The following ULK4 variants were observed in gnomAD, a reference collection of about 807,000 sequenced individuals.
ULK4 encodes unc-51 like kinase 4.
In ULK4, 133 loss-of-function variants were observed where a neutral mutation model predicts 160.6. The observed-to-expected ratio is 0.83, with a 90% confidence interval of 0.72 to 0.96. The LOEUF (loss-of-function observed/expected upper bound fraction) is 0.96, where lower values mean the gene tolerates loss of function less well. Ranked by LOEUF, ULK4 falls within the 40% of genes least tolerant of loss-of-function variation. The pLI is 0.00. For missense variants in ULK4, 1,580 were observed against 1,499.5 expected (o/e 1.05, Z -0.89); for synonymous variants, 534 against 539.8 (o/e 0.99, Z 0.15).
intron 34 of ULK4, among the ~76,000 whole-genome samples, chr3:41,409,589 AAAG>A (rs958390484): frequency 6.6e-6 from 1 of 152,226 alleles, no homozygotes; most frequent in African/African-American, 2.4e-5. Flanking sequence ...ATATTTCTCC[AAAG>A]AAGGTATGAA....
At chr3:41,295,163 T>G (rs764975343) in intron 35 of ULK4, among the ~76,000 whole-genome samples, 4 of 152,220 alleles carry the variant, frequency 2.6e-5, no homozygotes, top group Non-Finnish European at 5.9e-5. Context: ...AGTCAACTGA[T>G]CTTTGATGAA....
intron 35 of ULK4, among the ~76,000 whole-genome samples, chr3:41,305,214 G>A (rs2079882495): frequency 1.3e-5 from 2 of 150,696 alleles, no homozygotes; most frequent in Non-Finnish European, 3.0e-5. Context: ...CTCTCCCCAC[G>A]GTCTCCCTCT....
intron 35 of ULK4, among the ~76,000 whole-genome samples, chr3:41,336,692 C>T (rs1427557359): frequency 1.3e-5 from 2 of 152,314 alleles, no homozygotes; most frequent in Middle Eastern, 3.4e-3. Context: ...CACTAACTCT[C>T]TTGGATAGGT....
At chr3:41,279,264 A>AAAC (rs1559501564) in intron 35 of ULK4, among the ~76,000 whole-genome samples, 40 of 144,082 alleles carry the variant, frequency 2.8e-4, no homozygotes, top group African/African-American at 9.2e-4. Flanking sequence ...GTAAAAAAAA[A>AAAC]AAAAAAAAAA....
At chr3:41,934,195 C>T (rs2148824421) in intron 4 of ULK4, among the ~76,000 whole-genome samples, 2 of 152,154 alleles carry the variant, frequency 1.3e-5, no homozygotes, top group Admixed American at 1.3e-4. Flanking sequence ...GAAATACAGC[C>T]ACATCCAGGT....
intron 2 of ULK4, among the ~76,000 whole-genome samples, chr3:41,952,180 A>G (rs1012809534): frequency 2.0e-5 from 3 of 152,228 alleles, no homozygotes; most frequent in Admixed American, 2.0e-4. Context: ...AAAGACACAG[A>G]TAACAAAAAA....
At chr3:41,261,734 T>C (rs750972388) in intron 35 of ULK4, among the ~76,000 whole-genome samples, 4 of 152,188 alleles carry the variant, frequency 2.6e-5, no homozygotes, top group Non-Finnish European at 4.4e-5. Context: ...GAAATGGAAG[T>C]TGTTGCTCTT....
intron 30 of ULK4, among the ~76,000 whole-genome samples, chr3:41,645,710 G>A (rs1451533614): frequency 6.6e-6 from 1 of 152,080 alleles, no homozygotes; most frequent in Non-Finnish European, 1.5e-5. Context: ...TATTAGGTCT[G>A]CTTGGTGCAG....
chr3:41,332,399 T>C (rs1217062596), intron 35 of ULK4, among the ~76,000 whole-genome samples: 1 of 152,246 alleles, frequency 6.6e-6, no homozygotes, highest in Non-Finnish European at 1.5e-5. Context: ...GATTTCATCA[T>C]GGTTATGACA....
chr3:41,731,989 G>A (rs1167742049), intron 22 of ULK4, among the ~76,000 whole-genome samples: 1 of 152,068 alleles, frequency 6.6e-6, no homozygotes, highest in Non-Finnish European at 1.5e-5. Flanking sequence ...AAGTCAAAAT[G>A]GACTGAAGAC....
intron 32 of ULK4, among the ~76,000 whole-genome samples, chr3:41,556,895 G>A (rs746336088): frequency 2.0e-5 from 3 of 151,968 alleles, no homozygotes; most frequent in Non-Finnish European, 2.9e-5. Flanking sequence ...TTAAAATCTG[G>A]GCAAAGAATG....
chr3:41,751,007 A>AGGGAAGGAGGAT (rs1194868573), intron 22 of ULK4, among the ~76,000 whole-genome samples: 5 of 69,828 alleles, frequency 7.2e-5, no homozygotes, highest in African/African-American at 2.8e-4. Context: ...AGAGGAAGGG[A>AGGGAAGGAGGAT]GGGAAGGAGG....
chr3:41,484,633 T>C (rs2084452009), intron 32 of ULK4, among the ~76,000 whole-genome samples: 1 of 152,036 alleles, frequency 6.6e-6, no homozygotes, highest in Non-Finnish European at 1.5e-5. Context: ...TTTGTATTTT[T>C]AGTAGAGACG....
intron 2 of ULK4, among the ~76,000 whole-genome samples, chr3:41,954,189 A>AG (rs1241940288): frequency 1.3e-5 from 2 of 150,502 alleles, no homozygotes; most frequent in South Asian, 2.1e-4. Flanking sequence ...AAAAAAAAAA[A>AG]AAAAAAGAAA....
intron 35 of ULK4, among the ~76,000 whole-genome samples, chr3:41,269,199 T>C (rs569611666): frequency 6.6e-6 from 1 of 152,166 alleles, no homozygotes; most frequent in Non-Finnish European, 1.5e-5. Context: ...CTATTTTGTA[T>C]TTAGGGTATA....
chr3:41,781,917 C>T (rs1468244218), intron 21 of ULK4, among the ~76,000 whole-genome samples: 1 of 152,170 alleles, frequency 6.6e-6, no homozygotes, highest in East Asian at 1.9e-4. Context: ...CCAGCCTGGG[C>T]AACCACAGCA....
At chr3:41,548,768 T>C (rs2086958578) in intron 32 of ULK4, among the ~76,000 whole-genome samples, 1 of 148,676 alleles carries the variant, frequency 6.7e-6, no homozygotes, top group Non-Finnish European at 1.5e-5. Flanking sequence ...ACCTATACCA[T>C]CCAGGGACCC....
intron 32 of ULK4, among the ~76,000 whole-genome samples, chr3:41,563,953 G>C (rs1617833): frequency 0.5 from 76,310 of 152,004 alleles, 21,120 homozygotes; most frequent in Admixed American, 0.64. Flanking sequence ...ATGGTTTTTA[G>C]AATTTTCAGC....
At chr3:41,638,742 C>T (rs553897874) in intron 30 of ULK4, among the ~76,000 whole-genome samples, 7 of 152,284 alleles carry the variant, frequency 4.6e-5, no homozygotes, top group African/African-American at 1.7e-4. Context: ...AATCAGAAGA[C>T]TCTTGATATG....
Sources: gnomAD v4.1 joint callset for allele counts (sites outside exome capture counted in the v4.1 genomes callset) on GRCh38, gnomAD v4.1.1 for gene constraint, MANE v1.5 for transcripts, NCBI Gene and HGNC (gene_info 2026-07-23, HGNC 2026-07-21) for gene names.